Variants in SLC35F3 observed in about 807,000 individuals in gnomAD.
The protein encoded by SLC35F3 is putative thiamine transporter SLC35F3.
SLC35F3 carries 25 observed loss-of-function variants against 49.9 expected under a neutral mutation model. The ratio of observed to expected loss-of-function variants is 0.50; its 90% CI spans 0.37 to 0.70. The LOEUF (loss-of-function observed/expected upper bound fraction) is 0.70. Among genes scored for constraint, SLC35F3 ranks in the 30% least tolerant of loss-of-function variants. The probability of loss-of-function intolerance (pLI) is 0.00; values close to 1 mark genes in which losing one functional copy is unlikely to be tolerated. For synonymous variants in SLC35F3, 275 were observed against 265.4 expected (o/e 1.04, Z -0.35); for missense variants, 525 against 639.8 (o/e 0.82, Z 1.94).
chr1:234,049,298 T>C (rs1220279704), intron 2 of SLC35F3, among the ~76,000 whole-genome samples: 1 of 152,122 alleles, frequency 6.6e-6, no homozygotes. Context: ...ATAGGATTAG[T>C]GGCCTTTAAA....
rs1664293501 is a variant in SLC35F3 at position 234,046,484 on chromosome 1, C to A, written c.283+140726C>A. On this transcript the variant is annotated intron_variant, in intron 2 of 7. Transcript: ENST00000366618. This position sits in a 1 kb window ranked among gnomAD's most constrained non-coding sequence, Gnocchi z 4.4. ...GTCTTTTCTGTATTGATTTGTAATT[C>A]TTTATATAGTCTGGATAAATCCTTC... 6.6e-6 allele frequency among the ~76,000 whole-genome samples: 1 copy of A among 152,044 alleles called. No homozygotes were observed.
intron 3 of SLC35F3, among the ~76,000 whole-genome samples, chr1:234,301,254 C>T (rs191875721): frequency 8.1e-4 from 123 of 152,236 alleles, no homozygotes; most frequent in South Asian, 1.4e-3. Context: ...AAAGAACAGA[C>T]AAGATCGGGC....
chr1:234,255,003 G>A (rs188819165), intron 3 of SLC35F3, among the ~76,000 whole-genome samples: 11 of 152,264 alleles, frequency 7.2e-5, no homozygotes, highest in Non-Finnish European at 1.0e-4. Context: ...TTTGTTTTGC[G>A]TAATTTATTT....
intron 3 of SLC35F3, among the ~76,000 whole-genome samples, chr1:234,294,592 C>G (rs1024564329): frequency 6.6e-6 from 1 of 152,176 alleles, no homozygotes; most frequent in Non-Finnish European, 1.5e-5. Context: ...ACTGATAGTT[C>G]ACAGTTTTAA....
chr1:234,058,731 CTT>C (rs1664493908), intron 2 of SLC35F3, among the ~76,000 whole-genome samples: 2 of 152,234 alleles, frequency 1.3e-5, no homozygotes, highest in South Asian at 4.2e-4. Flanking sequence ...TTGTGAATGA[CTT>C]TGTCTGGTTT....
intron 2 of SLC35F3, among the ~76,000 whole-genome samples, chr1:234,191,813 A>G (rs199620067): frequency 2.0e-5 from 3 of 152,164 alleles, no homozygotes; most frequent in East Asian, 3.8e-4. Flanking sequence ...ATTCAAGACT[A>G]CTACTGTGAA....
At chr1:234,116,666 C>T (rs1232269638) in intron 2 of SLC35F3, among the ~76,000 whole-genome samples, 1 of 152,074 alleles carries the variant, frequency 6.6e-6, no homozygotes, top group Non-Finnish European at 1.5e-5. Context: ...CACATGCCAC[C>T]ATGCCTGGCT....
chr1:234,123,530 C>G (rs756212208), intron 2 of SLC35F3, among the ~76,000 whole-genome samples: 1 of 152,088 alleles, frequency 6.6e-6, no homozygotes, highest in African/African-American at 2.4e-5. Context: ...CCACTTCAGT[C>G]TCCCGAGTAG....
intron 2 of SLC35F3, among the ~76,000 whole-genome samples, chr1:234,075,605 C>T (rs150026520): frequency 1.3e-5 from 2 of 152,256 alleles, no homozygotes; most frequent in African/African-American, 4.8e-5. Flanking sequence ...AAAAGAGGAC[C>T]AAGCTATGCA....
chr1:234,172,142 C>T (rs944239550), intron 2 of SLC35F3, among the ~76,000 whole-genome samples: 2 of 152,232 alleles, frequency 1.3e-5, no homozygotes, highest in South Asian at 2.1e-4. Flanking sequence ...TCCAGACCCC[C>T]ACCTAACCTT....
intron 2 of SLC35F3, among the ~76,000 whole-genome samples, chr1:234,146,547 A>G (rs1666000478): frequency 1.6e-5 from 2 of 126,226 alleles, no homozygotes; most frequent in African/African-American, 6.3e-5. Context: ...GCTGGAATGC[A>G]ATGGTGTGAT....
intron 2 of SLC35F3, among the ~76,000 whole-genome samples, chr1:234,001,372 A>G (rs1663551286): frequency 6.6e-6 from 1 of 152,230 alleles, no homozygotes; most frequent in South Asian, 2.1e-4. Context: ...CCAGTGAGGC[A>G]ATAGTGGTTG....
intron 2 of SLC35F3, among the ~76,000 whole-genome samples, chr1:234,173,575 G>A (rs1202090842): frequency 2.6e-5 from 4 of 152,216 alleles, no homozygotes; most frequent in Non-Finnish European, 5.9e-5. Context: ...CAGAGGTAGG[G>A]GGTGGAGCAA....
chr1:234,075,460 T>C (rs1302550117), intron 2 of SLC35F3, among the ~76,000 whole-genome samples: 1 of 152,220 alleles, frequency 6.6e-6, no homozygotes, highest in Non-Finnish European at 1.5e-5. Flanking sequence ...TGCAAGCTAA[T>C]AGCATGTGGG....
At chr1:234,187,815 C>T (rs1267221454) in intron 2 of SLC35F3, among the ~76,000 whole-genome samples, 1 of 152,126 alleles carries the variant, frequency 6.6e-6, no homozygotes, top group East Asian at 1.9e-4. Flanking sequence ...GGAGGGCTGC[C>T]AGAGGAACTG....
intron 2 of SLC35F3, among the ~76,000 whole-genome samples, chr1:234,020,259 T>C (rs1663870419): frequency 6.6e-6 from 1 of 152,218 alleles, no homozygotes; most frequent in South Asian, 2.1e-4. Context: ...TTTCTGTTGG[T>C]TTATTGGCTT....
At chr1:233,979,628 T>A (rs569517935) in intron 2 of SLC35F3, among the ~76,000 whole-genome samples, 1 of 152,280 alleles carries the variant, frequency 6.6e-6, no homozygotes, top group East Asian at 1.9e-4. Context: ...GGGAACTGCT[T>A]AGGCTCCATG....
intron 2 of SLC35F3, 41 bp downstream of exon 2, chr1:233,905,799 T>G (rs1447044260): frequency 6.5e-7 from 1 of 1,541,232 alleles, no homozygotes; most frequent in African/African-American, 1.4e-5. Context: ...CACTGGTCCA[T>G]CTTCTTACCA....
At chr1:234,275,039 T>C (rs1032439820) in intron 3 of SLC35F3, among the ~76,000 whole-genome samples, 1 of 152,216 alleles carries the variant, frequency 6.6e-6, no homozygotes, top group Non-Finnish European at 1.5e-5. Flanking sequence ...GCCACAACCC[T>C]TCTGAAAGCC....
Sources: gnomAD v4.1 joint callset for allele counts (sites outside exome capture counted in the v4.1 genomes callset) on GRCh38, gnomAD v4.1.1 for gene constraint, Gnocchi (gnomAD v3.1) non-coding constraint, MANE v1.5 for transcripts, NCBI Gene and HGNC (gene_info 2026-07-23, HGNC 2026-07-21) for gene names.